The following MAD1L1 variants were observed in gnomAD, a reference collection of about 807,000 sequenced individuals.
MAD1L1 encodes the protein mitotic arrest deficient 1 like 1.
A neutral mutation model predicts 96.9 loss-of-function variants in MAD1L1; 95 were observed. That is an observed-to-expected ratio of 0.98 (90% confidence interval 0.83 to 1.16). MAD1L1 has a LOEUF of 1.16. MAD1L1 is among the 50% of genes most tolerant of loss of function. The pLI, the probability that MAD1L1 is intolerant of heterozygous loss-of-function variation, is 0.00. For synonymous variants in MAD1L1, 473 were observed against 396.6 expected (o/e 1.19, Z -2.29); for missense variants, 1,007 against 954.4 (o/e 1.06, Z -0.73).
chr7:1,940,870 A>AC (rs1277907080), intron 16 of MAD1L1, among the ~76,000 whole-genome samples: 6 of 111,442 alleles, frequency 5.4e-5, no homozygotes, highest in African/African-American at 2.1e-4. Flanking sequence ...GACCCCTGGC[A>AC]AGAACCAGGC....
chr7:2,193,883 G>C (rs1207731350), intron 10 of MAD1L1, among the ~76,000 whole-genome samples: 1 of 151,192 alleles, frequency 6.6e-6, no homozygotes, highest in African/African-American at 2.4e-5. Flanking sequence ...GCAGCAAAAG[G>C]CTCTGCATGG....
chr7:1,957,639 C>T lies in MAD1L1; in HGVS notation c.1586G>A (p.Arg529Gln), dbSNP rs557580265. Residue 529 changes from arginine (R) to glutamine (Q), a missense_variant, in exon 16 of 19, where the codon CGA (arginine) becomes CAA (glutamine). Physicochemically the swap from Arg to Gln is conservative, Grantham distance 43. Transcript: ENST00000265854. ...KRMLEAQLER[R>Q]ALQGDYDQSR... The stretch of plus-strand genomic sequence containing the variant: ...CTGCCCCGCCCTCACCTGCAGAGCT[C>T]GCCGCTCCAGCTGTGCCTCCAGCAT... 2.1e-5 allele frequency: 34 copies of T among 1,613,922 alleles called. No homozygotes were observed. Among genetic ancestry groups the T allele is most frequent in the East Asian group, 1.8e-4 (8 of 44,882 alleles).
At chr7:1,873,322 G>A (rs963803556) in intron 18 of MAD1L1, among the ~76,000 whole-genome samples, 6 of 152,304 alleles carry the variant, frequency 3.9e-5, no homozygotes, top group Admixed American at 1.3e-4. Flanking sequence ...GCTAGAGAGC[G>A]CCAGCCCTAA....
At chr7:2,098,035 G>C (rs1182732837) in intron 11 of MAD1L1, among the ~76,000 whole-genome samples, 4 of 152,218 alleles carry the variant, frequency 2.6e-5, no homozygotes, top group African/African-American at 9.6e-5. Flanking sequence ...TCCAGCGGGA[G>C]GAAGGCAGCG....
intron 11 of MAD1L1, among the ~76,000 whole-genome samples, chr7:2,083,774 G>A (rs3778949): frequency 0.046 from 6,935 of 152,354 alleles, 253 homozygotes; most frequent in African/African-American, 0.095. Flanking sequence ...GGAAAAGCAC[G>A]TGGGAAGAAA....
intron 15 of MAD1L1, among the ~76,000 whole-genome samples, chr7:1,966,577 CA>C (rs1323218289): frequency 3.4e-5 from 1 of 29,664 alleles, no homozygotes; most frequent in Non-Finnish European, 8.1e-5. Context: ...AAAAAAAAAA[CA>C]AAAAAAATCC....
At chr7:2,032,475 C>G (rs1311725561) in intron 12 of MAD1L1, among the ~76,000 whole-genome samples, 1 of 152,214 alleles carries the variant, frequency 6.6e-6, no homozygotes, top group Non-Finnish European at 1.5e-5. Context: ...AGATTTGGTG[C>G]ACATCCATGG....
At chr7:2,094,478 G>A (rs565759605) in intron 11 of MAD1L1, among the ~76,000 whole-genome samples, 1 of 152,316 alleles carries the variant, frequency 6.6e-6, no homozygotes, top group East Asian at 1.9e-4. Context: ...TGCTTGACGG[G>A]AAAAAGTGAC....
At chr7:1,837,459 G>C (rs1185082556) in intron 18 of MAD1L1, among the ~76,000 whole-genome samples, 2 of 152,176 alleles carry the variant, frequency 1.3e-5, no homozygotes, top group African/African-American at 4.8e-5. Flanking sequence ...TTAGCCAAGA[G>C]AAAAGAAATA....
intron 13 of MAD1L1, among the ~76,000 whole-genome samples, chr7:2,011,091 T>C (rs1250537613): frequency 6.6e-6 from 1 of 152,080 alleles, no homozygotes; most frequent in Non-Finnish European, 1.5e-5. Context: ...ACCTGGGCTC[T>C]GTGGGGTCAG....
intron 17 of MAD1L1, among the ~76,000 whole-genome samples, chr7:1,921,149 G>A (rs895929540): frequency 7.9e-5 from 12 of 152,194 alleles, no homozygotes; most frequent in African/African-American, 2.4e-4. Flanking sequence ...GGCACGCTGC[G>A]GGTCTGAGAC....
At chr7:2,215,745 GACC>G (rs1793233861) in intron 9 of MAD1L1, 137 bp downstream of exon 9, 3 of 739,958 alleles carry the variant, frequency 4.1e-6, no homozygotes, top group Non-Finnish European at 7.1e-6. Flanking sequence ...CCTCTCTGGG[GACC>G]ACGATTCTGC....
intron 18 of MAD1L1, among the ~76,000 whole-genome samples, chr7:1,826,141 T>G (rs1353697219): frequency 6.6e-6 from 1 of 152,142 alleles, no homozygotes; most frequent in Non-Finnish European, 1.5e-5. Flanking sequence ...CGAGGACTCC[T>G]GGCAGCCTCA....
chr7:2,001,959 G>A (rs772393458), intron 14 of MAD1L1, 106 bp downstream of exon 14: 55 of 1,169,340 alleles, frequency 4.7e-5, no homozygotes, highest in Non-Finnish European at 6.7e-5. Context: ...AGAAGAGGCA[G>A]CCATGCACTG....
intron 11 of MAD1L1, among the ~76,000 whole-genome samples, chr7:2,102,627 C>G (rs1045305978): frequency 3.3e-5 from 5 of 152,010 alleles, no homozygotes; most frequent in African/African-American, 1.2e-4. Context: ...CTCCACCACC[C>G]TCGCACCATC....
chr7:2,222,964 G>C (rs1206184458), intron 4 of MAD1L1, among the ~76,000 whole-genome samples: 1 of 152,230 alleles, frequency 6.6e-6, no homozygotes, highest in African/African-American at 2.4e-5. Context: ...GGTGAGCACT[G>C]TGCGAGGTCA....
chr7:1,876,067 C>T (rs1443639518), intron 18 of MAD1L1, among the ~76,000 whole-genome samples: 2 of 152,202 alleles, frequency 1.3e-5, no homozygotes, highest in Admixed American at 1.3e-4. Context: ...GCGGTCTCAG[C>T]CCCCCGCCGT....
chr7:1,928,801 T>C (rs1395396497), intron 17 of MAD1L1, among the ~76,000 whole-genome samples: 1 of 152,078 alleles, frequency 6.6e-6, no homozygotes, highest in Admixed American at 6.5e-5. Context: ...GGGCACTGAT[T>C]TCTGGCCGTG....
In MAD1L1 at chr7:1,865,741, C is replaced by T. The variant is rs564496229; in HGVS notation, c.1998+32459G>A. Among the ~76,000 whole-genome samples the T allele has an allele frequency of 7.2e-4, 110 of 152,338 alleles. 1 individual carries two copies. The highest frequency in any genetic ancestry group is 2.1e-3 in the Admixed American group (32 of 15,306). On this transcript the variant is annotated intron_variant, in intron 18 of 18. Transcript: ENST00000265854. ...TTGCACAGTTAATCAGGACTGGCTGCCTTGGAGACGCAAAGGCACAGACCC... is the reference window on the plus strand; with the variant it reads ...TTGCACAGTTAATCAGGACTGGCTGTCTTGGAGACGCAAAGGCACAGACCC...
Sources: gnomAD v4.1 joint callset for allele counts (sites outside exome capture counted in the v4.1 genomes callset) on GRCh38, gnomAD v4.1.1 for gene constraint, MANE v1.5 for transcripts, NCBI Gene and HGNC (gene_info 2026-07-23, HGNC 2026-07-21) for gene names.